Variants in TGFA observed in about 807,000 individuals in gnomAD.
TGFA encodes the protein protransforming growth factor alpha.
Under a neutral mutation model 21.7 loss-of-function variants are expected in TGFA, and 12 were observed. The ratio of observed to expected loss-of-function variants is 0.55; its 90% confidence interval spans 0.35 to 0.90. The LOEUF is 0.90. TGFA is among the 40% of genes least tolerant of loss of function. The pLI, the probability that TGFA is intolerant of heterozygous loss-of-function variation, is 0.01. For missense variants in TGFA, 178 were observed against 210.8 expected (o/e 0.84, Z 0.96); for synonymous variants, 79 against 88.1 (o/e 0.90, Z 0.58).
In TGFA at chr2:70,524,403, T is replaced by G. The variant is rs952573619; in HGVS notation, c.41-9491A>C. Among the ~76,000 whole-genome samples the G allele has an allele frequency of 6.6e-5, 10 of 152,252 alleles. No homozygotes were observed. The East Asian group carries it at 1.9e-3, about 29-fold the overall frequency. ...AAGACTTAGACCAGGGGCTGGGTAC[T>G]GAGTCAACCTTCCTCTTCCCCAGGC... On this transcript the variant is annotated intron_variant, in intron 1 of 5. Coordinates refer to ENST00000295400, the MANE Select transcript of TGFA (RefSeq NM_003236.4).
At chr2:70,486,701 A>T (rs1671280881) in intron 2 of TGFA, among the ~76,000 whole-genome samples, 1 of 151,922 alleles carries the variant, frequency 6.6e-6, no homozygotes, top group African/African-American at 2.4e-5. Flanking sequence ...AGCTCAAGCT[A>T]TCTGCCTGCC....
chr2:70,506,962 A>C (rs2103832169), intron 2 of TGFA, among the ~76,000 whole-genome samples: 1 of 152,348 alleles, frequency 6.6e-6, no homozygotes, highest in Non-Finnish European at 1.5e-5. Flanking sequence ...TAGGAGTCAC[A>C]GGCACTGAAG....
chr2:70,553,687 G>T, intron 1 of TGFA, 41 bp downstream of exon 1: 1 of 1,338,644 alleles, frequency 7.5e-7, no homozygotes. Context: ...GGGAAGCAGG[G>T]TGTCGCGCGG....
chr2:70,523,086 C>T (rs1403162899), intron 1 of TGFA, among the ~76,000 whole-genome samples: 3 of 152,304 alleles, frequency 2.0e-5, no homozygotes, highest in Admixed American at 6.5e-5. Context: ...GAACTGTCAT[C>T]CTTATCCAAA....
chr2:70,550,676 T>A (rs995416609), intron 1 of TGFA, among the ~76,000 whole-genome samples: 15 of 151,854 alleles, frequency 9.9e-5, no homozygotes, highest in Admixed American at 9.8e-4. Flanking sequence ...TTTAAAAAAT[T>A]AGCCGGGCGT....
intron 1 of TGFA, among the ~76,000 whole-genome samples, chr2:70,543,810 A>C (rs1056420031): frequency 6.6e-6 from 1 of 152,242 alleles, no homozygotes; most frequent in Non-Finnish European, 1.5e-5. Context: ...AACACAAAAA[A>C]GATGAGATGC....
intron 1 of TGFA, among the ~76,000 whole-genome samples, chr2:70,538,651 C>T (rs1559142224): frequency 6.6e-6 from 1 of 152,140 alleles, no homozygotes. Context: ...TGAATTGCTG[C>T]AATTTCAATA....
At chr2:70,542,443 T>C (rs1412383593) in intron 1 of TGFA, among the ~76,000 whole-genome samples, 1 of 152,100 alleles carries the variant, frequency 6.6e-6, no homozygotes, top group Non-Finnish European at 1.5e-5. Flanking sequence ...CTAAAGCCCC[T>C]AAGGAACCCA....
At chr2:70,451,500 G>A (rs2103652245) in intron 5 of TGFA, among the ~76,000 whole-genome samples, 1 of 152,240 alleles carries the variant, frequency 6.6e-6, no homozygotes, top group African/African-American at 2.4e-5. Flanking sequence ...ACCATCTGAG[G>A]GAGAGGGACT....
intron 2 of TGFA, among the ~76,000 whole-genome samples, chr2:70,480,101 G>A (rs1402213718): frequency 3.3e-5 from 5 of 152,156 alleles, no homozygotes; most frequent in African/African-American, 9.7e-5. Flanking sequence ...TAACTGTAGC[G>A]CCTTCAAATA....
At position 70,514,895 on chromosome 2, in the gene TGFA, A is replaced by G; in HGVS notation, c.58T>C (p.Cys20Arg). The G allele has an allele frequency of 6.2e-7, 1 of 1,614,046 alleles. No homozygotes were observed. The highest frequency in any genetic ancestry group is 8.5e-7 in the Non-Finnish European group (1 of 1,180,004). The change falls in exon 2 of 6, where the codon TGC becomes CGC. Residue 20 changes from cysteine (C) to arginine (R), a missense_variant. By Grantham distance (180) the Cys-to-Arg change is radical. Coordinates refer to ENST00000295400, the MANE Select transcript of TGFA (RefSeq NM_003236.4). ...GACGTGCTGTTCTCCAAGGCCTGGC[A>G]CGCAGCCAACACAATACCTGTTGGG... is the stretch of plus-strand genomic sequence containing the variant. Reference protein sequence around the residue: ...LFALGIVLAACQALENSTSPL... With the variant: ...LFALGIVLAARQALENSTSPL...
chr2:70,514,844 G>A lies in TGFA; in HGVS notation c.94+15C>T, dbSNP rs200631409. ...TCCCACACACGATCCACACACCCAC[G>A]GCAGCTGCACTCACCACTCAGCGGG... On this transcript the variant is annotated intron_variant, in intron 2 of 5. Coordinates refer to ENST00000295400, the MANE Select transcript of TGFA (RefSeq NM_003236.4). The A allele has an allele frequency of 9.4e-4, 1,521 of 1,613,664 alleles. 21 individuals carry two copies. Among genetic ancestry groups the A allele is most frequent in the Non-Finnish European group, 1.8e-4 (208 of 1,179,882 alleles).
intron 4 of TGFA, among the ~76,000 whole-genome samples, chr2:70,455,410 G>A (rs756010358): frequency 1.3e-5 from 2 of 152,172 alleles, no homozygotes; most frequent in Non-Finnish European, 2.9e-5. Flanking sequence ...GCATCGACAT[G>A]TAGCTACTGA....
At chr2:70,531,221 C>T (rs189244773) in intron 1 of TGFA, among the ~76,000 whole-genome samples, 5 of 152,328 alleles carry the variant, frequency 3.3e-5, no homozygotes, top group Non-Finnish European at 7.3e-5. Context: ...AGAGTATGGT[C>T]AGTCCCATTA....
chr2:70,542,323 A>G (rs1553505283), intron 1 of TGFA, among the ~76,000 whole-genome samples: 2 of 152,126 alleles, frequency 1.3e-5, no homozygotes, highest in African/African-American at 4.8e-5. Context: ...AAGTACAGTA[A>G]TTACAAAGAG....
intron 1 of TGFA, among the ~76,000 whole-genome samples, chr2:70,517,841 G>A (rs1553501781): frequency 6.6e-6 from 1 of 152,246 alleles, no homozygotes; most frequent in East Asian, 1.9e-4. Flanking sequence ...TGAGAGTCAT[G>A]CATTGCCTCT....
chr2:70,553,101 T>C (rs1286459308), intron 1 of TGFA: 5 of 1,429,738 alleles, frequency 3.5e-6, no homozygotes, highest in Non-Finnish European at 4.7e-6. Flanking sequence ...GTTTCGCTCC[T>C]GCCCTCGGCG....
chr2:70,482,816 T>C (rs1553495941), intron 2 of TGFA, among the ~76,000 whole-genome samples: 1 of 152,184 alleles, frequency 6.6e-6, no homozygotes, highest in African/African-American at 2.4e-5. Flanking sequence ...TCCTTATATG[T>C]CTTCCTTTGA....
intron 3 of TGFA, among the ~76,000 whole-genome samples, chr2:70,464,035 C>T (rs1553491816): frequency 6.6e-6 from 1 of 152,200 alleles, no homozygotes; most frequent in African/African-American, 2.4e-5. Flanking sequence ...CTCCTTCTTT[C>T]TCTCCAGGTG....
Sources: allele counts gnomAD v4.1 joint callset (sites outside exome capture counted in the v4.1 genomes callset), GRCh38; gene constraint gnomAD v4.1.1; transcripts MANE v1.5; gene names NCBI Gene and HGNC (gene_info 2026-07-23, HGNC 2026-07-21).